The following CCSER1 variants were observed in gnomAD, a reference collection of about 807,000 sequenced individuals.
CCSER1 encodes coiled-coil serine rich protein 1.
Under a neutral mutation model 82.0 loss-of-function variants are expected in CCSER1, and 41 were observed. The ratio of observed to expected loss-of-function variants is 0.50; its 90% confidence interval spans 0.39 to 0.65. CCSER1 has a LOEUF of 0.65. CCSER1 is among the 30% of genes least tolerant of loss of function. The pLI is 0.00. For synonymous variants in CCSER1, 414 were observed against 383.9 expected, an observed-to-expected ratio of 1.08 and a Z score of -0.92; for missense variants, 1,119 against 1,064.2, an observed-to-expected ratio of 1.05 and a Z score of -0.72.
chr4:91,017,548 A>G (rs1446556664), intron 9 of CCSER1, among the ~76,000 whole-genome samples: 1 of 152,078 alleles, frequency 6.6e-6, no homozygotes, highest in Non-Finnish European at 1.5e-5. Flanking sequence ...CAGGAAATGT[A>G]TTCTTAACCT....
intron 10 of CCSER1, among the ~76,000 whole-genome samples, chr4:91,273,810 A>G (rs182784747): frequency 1.6e-3 from 248 of 152,288 alleles, no homozygotes; most frequent in African/African-American, 5.8e-3. Flanking sequence ...TTTTAATCAT[A>G]AAAGGATGCT....
chr4:90,617,595 T>TTCA (rs2148859487), intron 5 of CCSER1, among the ~76,000 whole-genome samples: 1 of 152,306 alleles, frequency 6.6e-6, no homozygotes, highest in African/African-American at 2.4e-5. Flanking sequence ...TAGGAAAAGA[T>TTCA]TCATCAACAG....
chr4:90,229,057 A>T (rs1203917391), intron 1 of CCSER1, among the ~76,000 whole-genome samples: 3 of 152,232 alleles, frequency 2.0e-5, no homozygotes, highest in Admixed American at 6.5e-5. Context: ...GCAGGATGTC[A>T]TCCAGGAGAA....
intron 6 of CCSER1, among the ~76,000 whole-genome samples, chr4:90,639,625 G>A (rs2148975789): frequency 6.6e-6 from 1 of 152,150 alleles, no homozygotes; most frequent in Middle Eastern, 3.4e-3. Flanking sequence ...GAATAGAGTG[G>A]TGACAGATAG....
intron 6 of CCSER1, among the ~76,000 whole-genome samples, chr4:90,654,867 G>A (rs1729428974): frequency 1.3e-5 from 2 of 152,018 alleles, no homozygotes; most frequent in African/African-American, 4.8e-5. Flanking sequence ...TTATTTTATA[G>A]GTGGGGTTAG....
chr4:90,980,655 G>A (rs1736029344), intron 9 of CCSER1, among the ~76,000 whole-genome samples: 1 of 151,616 alleles, frequency 6.6e-6, no homozygotes, highest in African/African-American at 2.4e-5. Flanking sequence ...ATTTTGTAAT[G>A]GTGAGATGAA....
chr4:90,228,567 T>A (rs1743728150), intron 1 of CCSER1, among the ~76,000 whole-genome samples: 1 of 151,988 alleles, frequency 6.6e-6, no homozygotes, highest in South Asian at 2.1e-4. Flanking sequence ...AGAGCGCCTC[T>A]CCTCCTCCAA....
chr4:90,488,217 T>C (rs1321289623), intron 5 of CCSER1, among the ~76,000 whole-genome samples: 1 of 152,112 alleles, frequency 6.6e-6, no homozygotes, highest in Non-Finnish European at 1.5e-5. Flanking sequence ...AGTCTCGCTC[T>C]GTTGCCCAGG....
At chr4:91,484,936 T>C (rs1241795853) in intron 10 of CCSER1, among the ~76,000 whole-genome samples, 2 of 152,146 alleles carry the variant, frequency 1.3e-5, no homozygotes, top group African/African-American at 2.4e-5. Context: ...CATTGGAATA[T>C]ATTTGAATTT....
At chr4:90,571,809 G>T (rs1441902721) in intron 5 of CCSER1, among the ~76,000 whole-genome samples, 1 of 151,888 alleles carries the variant, frequency 6.6e-6, no homozygotes, top group Non-Finnish European at 1.5e-5. Context: ...TTTGAATTTT[G>T]ATGTTACCAT....
intron 10 of CCSER1, among the ~76,000 whole-genome samples, chr4:91,476,870 G>A (rs1757626634): frequency 6.6e-6 from 1 of 151,604 alleles, no homozygotes; most frequent in Non-Finnish European, 1.5e-5. Flanking sequence ...ATATGCAGAA[G>A]AATGAAACTA....
At chr4:90,694,635 T>C (rs781234963) in intron 6 of CCSER1, among the ~76,000 whole-genome samples, 26 of 151,990 alleles carry the variant, frequency 1.7e-4, no homozygotes, top group Admixed American at 3.3e-4. Context: ...TACTTGTTGT[T>C]TTCCTCAAGA....
intron 10 of CCSER1, among the ~76,000 whole-genome samples, chr4:91,099,007 A>C (rs999524862): frequency 1.3e-5 from 2 of 152,210 alleles, no homozygotes; most frequent in Non-Finnish European, 2.9e-5. Context: ...AAATTATAGG[A>C]GATAACTATA....
At chr4:90,765,379 C>T (rs910510393) in intron 7 of CCSER1, among the ~76,000 whole-genome samples, 1 of 152,078 alleles carries the variant, frequency 6.6e-6, no homozygotes, top group Admixed American at 6.6e-5. Flanking sequence ...TCTTTTCTGC[C>T]TCCTTGGGGA....
chr4:91,065,201 A>C (rs1016933482), intron 9 of CCSER1, among the ~76,000 whole-genome samples: 3 of 152,160 alleles, frequency 2.0e-5, no homozygotes, highest in Admixed American at 6.5e-5. Context: ...AAGATTTAAG[A>C]AAGCTCCAGG....
intron 6 of CCSER1, among the ~76,000 whole-genome samples, chr4:90,690,077 C>T (rs1377163945): frequency 4.6e-5 from 7 of 152,044 alleles, no homozygotes; most frequent in Non-Finnish European, 8.8e-5. Flanking sequence ...ACTGCTGGTG[C>T]TCCACACAAG....
At chr4:91,596,334 G>C (rs1337993508) in intron 10 of CCSER1, among the ~76,000 whole-genome samples, 2 of 152,032 alleles carry the variant, frequency 1.3e-5, no homozygotes, top group Admixed American at 1.3e-4. Context: ...TTCCTAGGCA[G>C]CATCTGTTGA....
At chr4:90,440,712 T>C (rs1022185675) in intron 4 of CCSER1, among the ~76,000 whole-genome samples, 2 of 152,206 alleles carry the variant, frequency 1.3e-5, no homozygotes, top group African/African-American at 4.8e-5. Flanking sequence ...TTGACGACTT[T>C]CCCCAGCTCA....
At chr4:91,351,337 C>T (rs1315993034) in intron 10 of CCSER1, among the ~76,000 whole-genome samples, 5 of 151,868 alleles carry the variant, frequency 3.3e-5, no homozygotes, top group Non-Finnish European at 7.4e-5. Context: ...TAATTTGAAT[C>T]CTTCAGAGAT....
Sources: allele counts gnomAD v4.1 joint callset (sites outside exome capture counted in the v4.1 genomes callset), GRCh38; gene constraint gnomAD v4.1.1; transcripts MANE v1.5; gene names NCBI Gene and HGNC (gene_info 2026-07-23, HGNC 2026-07-21).